The following MARCHF1 variants were observed in gnomAD, a reference collection of about 807,000 sequenced individuals.
MARCHF1 encodes membrane associated ring-CH-type finger 1.
A neutral mutation model predicts 54.2 loss-of-function variants in MARCHF1; 40 were observed. That is an observed-to-expected ratio of 0.74 (90% CI 0.57 to 0.96). The LOEUF is 0.96. Ranked by LOEUF, MARCHF1 falls within the 40% of genes least tolerant of loss-of-function variation. The probability of loss-of-function intolerance (pLI) is 0.00; values close to 1 mark genes in which losing one functional copy is unlikely to be tolerated. For synonymous variants in MARCHF1, 236 were observed against 236.3 expected (o/e 1.00, Z 0.01); for missense variants, 586 against 656.5 (o/e 0.89, Z 1.17).
chr4:163,598,187 G>T (rs756030788), intron 7 of MARCHF1, among the ~76,000 whole-genome samples: 1 of 152,112 alleles, frequency 6.6e-6, no homozygotes, highest in African/African-American at 2.4e-5. Context: ...CCATTGAAAG[G>T]GGGTGTCTTC....
At chr4:164,274,666 T>C (rs1364083375) in intron 1 of MARCHF1, among the ~76,000 whole-genome samples, 6,982 of 76,840 alleles carry the variant, frequency 0.091, 1,306 homozygotes, top group Admixed American at 0.17. Flanking sequence ...ACACTTTTTT[T>C]TTTTTTTTTT....
intron 4 of MARCHF1, among the ~76,000 whole-genome samples, chr4:163,757,828 A>G (rs1746721051): frequency 6.6e-6 from 1 of 152,334 alleles, no homozygotes; most frequent in East Asian, 1.9e-4. Flanking sequence ...AGAATGGTTG[A>G]GTTACGCTAA....
At chr4:164,100,023 T>C (rs907581733) in intron 2 of MARCHF1, among the ~76,000 whole-genome samples, 6 of 152,200 alleles carry the variant, frequency 3.9e-5, no homozygotes, top group Non-Finnish European at 8.8e-5. Context: ...TATTGATCTG[T>C]ATTCCATAAA....
At chr4:163,573,825 C>G (rs1353276292) in intron 8 of MARCHF1, among the ~76,000 whole-genome samples, 3 of 152,010 alleles carry the variant, frequency 2.0e-5, no homozygotes, top group African/African-American at 7.3e-5. Flanking sequence ...TGGGTATATA[C>G]TCAGTAATGG....
intron 4 of MARCHF1, among the ~76,000 whole-genome samples, chr4:163,816,784 T>TAC (rs1421647661): frequency 6.6e-6 from 1 of 152,142 alleles, no homozygotes; most frequent in Non-Finnish European, 1.5e-5. Context: ...CACACTGCAC[T>TAC]ACCTCCATAA....
intron 1 of MARCHF1, among the ~76,000 whole-genome samples, chr4:164,111,925 G>C (rs1755841794): frequency 6.6e-6 from 1 of 151,626 alleles, no homozygotes; most frequent in Non-Finnish European, 1.5e-5. Context: ...TTCTAATAGA[G>C]AATTTCAAAA....
intron 1 of MARCHF1, among the ~76,000 whole-genome samples, chr4:164,308,065 AC>A (rs1734743665): frequency 6.6e-6 from 1 of 152,190 alleles, no homozygotes; most frequent in Non-Finnish European, 1.5e-5. Flanking sequence ...ATGAATATAG[AC>A]CAGTGTATGG....
chr4:163,546,692 T>C (rs1435694020), intron 8 of MARCHF1, among the ~76,000 whole-genome samples: 2 of 152,188 alleles, frequency 1.3e-5, no homozygotes, highest in Non-Finnish European at 2.9e-5. Context: ...TAGTTGCTGC[T>C]ACCGTAAGGG....
chr4:163,950,380 C>T (rs1560832668), intron 3 of MARCHF1, among the ~76,000 whole-genome samples: 1 of 152,318 alleles, frequency 6.6e-6, no homozygotes. Context: ...TGACAGCATC[C>T]GGACTGTGCC....
At chr4:163,675,030 C>T (rs1743866649) in intron 5 of MARCHF1, among the ~76,000 whole-genome samples, 1 of 152,066 alleles carries the variant, frequency 6.6e-6, no homozygotes, top group South Asian at 2.1e-4. Context: ...AGACAGAAGA[C>T]TCCTCAAGTC....
intron 1 of MARCHF1, among the ~76,000 whole-genome samples, chr4:164,179,405 C>A (rs60048271): frequency 1.6e-4 from 18 of 112,022 alleles, no homozygotes; most frequent in African/African-American, 7.6e-4. Context: ...GTATGTAATA[C>A]TTGAACAAAC....
intron 1 of MARCHF1, among the ~76,000 whole-genome samples, chr4:164,294,460 C>T (rs78962312): frequency 0.026 from 3,966 of 152,218 alleles, 102 homozygotes; most frequent in East Asian, 0.13. Context: ...GGAGTTTATG[C>T]TACAAGTAAA....
chr4:163,798,135 A>C (rs1485373153), intron 4 of MARCHF1, among the ~76,000 whole-genome samples: 2 of 152,216 alleles, frequency 1.3e-5, no homozygotes, highest in Non-Finnish European at 2.9e-5. Flanking sequence ...GAAATAATTA[A>C]GGTTAAATGA....
intron 8 of MARCHF1, among the ~76,000 whole-genome samples, chr4:163,577,000 C>G (rs1740062222): frequency 6.6e-6 from 1 of 151,940 alleles, no homozygotes; most frequent in Non-Finnish European, 1.5e-5. Flanking sequence ...AGTGTGTTTT[C>G]TTTTTTCCTT....
chr4:163,574,148 T>G (rs1241133766), intron 8 of MARCHF1, among the ~76,000 whole-genome samples: 1 of 152,064 alleles, frequency 6.6e-6, no homozygotes, highest in East Asian at 1.9e-4. Flanking sequence ...TCGCCCACTT[T>G]TTGATGGGGT....
intron 1 of MARCHF1, among the ~76,000 whole-genome samples, chr4:164,250,650 AATTG>A (rs1355235820): frequency 2.6e-5 from 4 of 152,238 alleles, no homozygotes; most frequent in African/African-American, 9.6e-5. Flanking sequence ...AATTATTGAT[AATTG>A]ATCATAAATC....
chr4:164,149,109 CT>C (rs1729857199), intron 1 of MARCHF1, among the ~76,000 whole-genome samples: 1 of 152,134 alleles, frequency 6.6e-6, no homozygotes, highest in African/African-American at 2.4e-5. Flanking sequence ...TGGCATCTCC[CT>C]TGCTCCCTCT....
intron 4 of MARCHF1, among the ~76,000 whole-genome samples, chr4:163,785,525 C>T (rs1340511994): frequency 6.6e-6 from 1 of 151,638 alleles, no homozygotes; most frequent in Non-Finnish European, 1.5e-5. Flanking sequence ...TTTTTTTCCT[C>T]CTCAATCTCA....
At chr4:163,832,439 TACTGGG>T (rs576612486) in intron 4 of MARCHF1, among the ~76,000 whole-genome samples, 6 of 152,308 alleles carry the variant, frequency 3.9e-5, no homozygotes, top group African/African-American at 1.4e-4. Flanking sequence ...TAAAATGAGC[TACTGGG>T]ACAGTGACAT....
Sources: allele counts gnomAD v4.1 joint callset (sites outside exome capture counted in the v4.1 genomes callset), GRCh38; gene constraint gnomAD v4.1.1; transcripts MANE v1.5; gene names NCBI Gene and HGNC (gene_info 2026-07-23, HGNC 2026-07-21).